Variants in ABCA13 observed in about 807,000 individuals in gnomAD.
ABCA13 encodes the protein ATP-binding cassette sub-family A member 13.
In ABCA13, 476 loss-of-function variants were observed where a neutral mutation model predicts 478.7. The observed-to-expected ratio is 0.99, with a 90% CI of 0.92 to 1.07. The LOEUF is 1.07. Among genes scored for constraint, ABCA13 ranks in the 50% least tolerant of loss-of-function variants. The pLI is 0.00. For synonymous variants in ABCA13, 2,252 were observed against 2,158.9 expected (o/e 1.04, Z -1.20); for missense variants, 6,060 against 5,910.6 (o/e 1.03, Z -0.83).
intron 55 of ABCA13, among the ~76,000 whole-genome samples, chr7:48,569,727 A>G (rs1787423769): frequency 1.3e-5 from 2 of 152,040 alleles, no homozygotes; most frequent in Non-Finnish European, 2.9e-5. Context: ...TTTTCATCAT[A>G]TCGGGCAGGC....
intron 55 of ABCA13, among the ~76,000 whole-genome samples, chr7:48,575,185 C>A (rs1383451226): frequency 6.6e-6 from 1 of 151,892 alleles, no homozygotes; most frequent in African/African-American, 2.4e-5. Context: ...ATCTTGCTCT[C>A]TTTAGAAGAA....
chr7:48,371,589 T>G (rs1163301366), intron 32 of ABCA13, among the ~76,000 whole-genome samples: 1 of 152,180 alleles, frequency 6.6e-6, no homozygotes, highest in Non-Finnish European at 1.5e-5. Flanking sequence ...GCTCTCTGCT[T>G]GTTTCCTGTT....
At chr7:48,209,659 A>G (rs1785370518) in intron 3 of ABCA13, among the ~76,000 whole-genome samples, 1 of 152,212 alleles carries the variant, frequency 6.6e-6, no homozygotes, top group Admixed American at 6.5e-5. Context: ...CACACAAAAA[A>G]TAGAAAGATA....
chr7:48,594,819 T>A lies in ABCA13; in HGVS notation c.14744+6T>A, dbSNP rs1273847743. ...GCGGTGCTGACCTCCCACAGGTGAG[T>A]TCCAGTTTCTCTTGTAGCCATTTCC... On this transcript the variant is annotated splice_donor_region_variant and intron_variant, in intron 58 of 61. Transcript: ENST00000435803. The A allele has an allele frequency of 6.2e-7, 1 of 1,612,360 alleles. No individual in the cohort carries two copies. Among genetic ancestry groups the A allele is most frequent in the South Asian group, 1.1e-5 (1 of 91,030 alleles).
At chr7:48,358,999 A>C (rs1810391739) in intron 31 of ABCA13, among the ~76,000 whole-genome samples, 1 of 151,880 alleles carries the variant, frequency 6.6e-6, no homozygotes, top group Admixed American at 6.5e-5. Flanking sequence ...GGGATGAAAA[A>C]ACTGCATTTG....
chr7:48,442,360 A>T (rs1013235997), intron 42 of ABCA13, among the ~76,000 whole-genome samples: 1 of 152,184 alleles, frequency 6.6e-6, no homozygotes, highest in Non-Finnish European at 1.5e-5. Context: ...TAGAGATGTT[A>T]TCTGATTTGC....
At chr7:48,632,785 G>T (rs1475581555) in intron 59 of ABCA13, among the ~76,000 whole-genome samples, 1 of 152,146 alleles carries the variant, frequency 6.6e-6, no homozygotes, top group Non-Finnish European at 1.5e-5. Context: ...TGGTGTATGT[G>T]CTTGGCTGAG....
intron 41 of ABCA13, 115 bp downstream of exon 41, chr7:48,412,698 CT>C: frequency 1.4e-6 from 1 of 715,610 alleles, no homozygotes; most frequent in Non-Finnish European, 2.1e-6. Context: ...GGAGTGTGCA[CT>C]TTTATTTACA....
intron 44 of ABCA13, among the ~76,000 whole-genome samples, chr7:48,471,311 G>A (rs1455650143): frequency 6.6e-6 from 1 of 152,138 alleles, no homozygotes; most frequent in Non-Finnish European, 1.5e-5. Flanking sequence ...AGAAAAGTGA[G>A]CCCCATGTAA....
chr7:48,360,385 G>C (rs1482880177), intron 31 of ABCA13, among the ~76,000 whole-genome samples: 1 of 151,878 alleles, frequency 6.6e-6, no homozygotes, highest in African/African-American at 2.4e-5. Flanking sequence ...ATTTCCTAAT[G>C]GTATAATTTA....
At chr7:48,199,568 T>C (rs900564282) in intron 3 of ABCA13, among the ~76,000 whole-genome samples, 1 of 152,170 alleles carries the variant, frequency 6.6e-6, no homozygotes, top group Admixed American at 6.5e-5. Context: ...AATTTGGGGA[T>C]GGGAGATGCC....
chr7:48,530,639 C>T (rs1833167618), intron 55 of ABCA13, among the ~76,000 whole-genome samples: 1 of 152,050 alleles, frequency 6.6e-6, no homozygotes, highest in South Asian at 2.1e-4. Context: ...TTACCACATC[C>T]ATGCCAACAT....
chr7:48,629,794 C>T (rs970935580), intron 59 of ABCA13, among the ~76,000 whole-genome samples: 1 of 152,024 alleles, frequency 6.6e-6, no homozygotes, highest in African/African-American at 2.4e-5. Flanking sequence ...CTGGTCACAT[C>T]ACCACTACTA....
At chr7:48,188,554 ACTTTTTTTT>A (rs1336904941) in intron 1 of ABCA13, among the ~76,000 whole-genome samples, 2 of 151,348 alleles carry the variant, frequency 1.3e-5, no homozygotes, top group African/African-American at 4.9e-5. Flanking sequence ...TGCTCTAGAA[ACTTTTTTTT>A]CTTTTTTTTT....
chr7:48,369,568 A>G (rs867325950), intron 32 of ABCA13, among the ~76,000 whole-genome samples: 2 of 152,136 alleles, frequency 1.3e-5, no homozygotes, highest in Non-Finnish European at 2.9e-5. Context: ...TGATTTTTGT[A>G]TAAGGTGAGA....
intron 43 of ABCA13, among the ~76,000 whole-genome samples, chr7:48,461,916 C>T (rs1297487658): frequency 1.3e-5 from 2 of 152,080 alleles, no homozygotes; most frequent in African/African-American, 4.8e-5. Flanking sequence ...AAGTTCTACC[C>T]TGAGAAAGTT....
In ABCA13 at chr7:48,295,895, A is replaced by G. The variant is rs200242320; in HGVS notation, c.9119+32A>G. 6.4e-6 allele frequency: 10 copies of G among 1,567,086 alleles called. No individual in the cohort carries two copies. The African/African-American group carries it at 8.2e-5, about 13-fold the overall frequency. On this transcript the variant is annotated intron_variant, in intron 21 of 61. Transcript: ENST00000435803. Reference sequence around the variant, plus strand: ...TCTGATATTCTTTCATGCCCTCCCCAGTACTTCCATTCATAGAGAGGATGT... The same window carrying G: ...TCTGATATTCTTTCATGCCCTCCCCGGTACTTCCATTCATAGAGAGGATGT...
chr7:48,323,615 T>C (rs185225647), intron 27 of ABCA13, among the ~76,000 whole-genome samples: 4 of 152,354 alleles, frequency 2.6e-5, no homozygotes, highest in Admixed American at 2.6e-4. Flanking sequence ...TAGGTACTAA[T>C]ATCCCCATTC....
rs139603436 is a variant in ABCA13 at position 48,194,837 on chromosome 7, C to T, written c.163+1785C>T. On this transcript the variant is annotated intron_variant, in intron 2 of 61. Transcript: ENST00000435803. Reference sequence around the variant, plus strand: ...ATATCATTTAAGAAAACCTAAAAAGCTTTTCAGGGTTTCTACTTTATTATT... The same window carrying T: ...ATATCATTTAAGAAAACCTAAAAAGTTTTTCAGGGTTTCTACTTTATTATT... 3.0e-5 allele frequency among the ~76,000 whole-genome samples: 4 copies of T among 134,518 alleles called. No individual in the cohort carries two copies. In the South Asian group the frequency reaches 1.1e-3, roughly 37 times the overall value. The allele number at this position is 134,518 out of a possible 152,430, so 88.2% of individuals were successfully genotyped here.
Sources: allele counts gnomAD v4.1 joint callset (sites outside exome capture counted in the v4.1 genomes callset), GRCh38; gene constraint gnomAD v4.1.1; transcripts MANE v1.5; gene names NCBI Gene and HGNC (gene_info 2026-07-23, HGNC 2026-07-21).